The following ZNF462 variants were observed in gnomAD, a reference collection of about 807,000 sequenced individuals.
ZNF462 encodes zinc finger PBX1-interacting protein.
ZNF462 carries 10 observed loss-of-function variants against 201.9 expected under a neutral mutation model. The ratio of observed to expected loss-of-function variants is 0.05; its 90% CI spans 0.03 to 0.08. The LOEUF is 0.08. ZNF462 is among the 10% of genes least tolerant of loss of function. The probability of loss-of-function intolerance (pLI) is 1.00; values close to 1 mark genes in which losing one functional copy is unlikely to be tolerated. For synonymous variants in ZNF462, 1,227 were observed against 1,193.3 expected (o/e 1.03, Z -0.58); for missense variants, 2,523 against 3,168.3 (o/e 0.80, Z 4.89).
In ZNF462 at chr9:106,968,345, T is replaced by C. The variant is rs1832175616; in HGVS notation, c.6428-3660T>C. Among the ~76,000 whole-genome samples the C allele has an allele frequency of 6.6e-6, 1 of 152,248 alleles. No homozygotes were observed. Among genetic ancestry groups the C allele is most frequent in the Non-Finnish European group, 1.5e-5 (1 of 68,038 alleles). The stretch of plus-strand genomic sequence containing the variant: ...ATCCTATAGGCACTGTGACCATCAT[T>C]GCTAAAATTCTAATTTGATCCTGAT... On this transcript the variant is annotated intron_variant, in intron 7 of 12. Coordinates refer to ENST00000277225, the MANE Select transcript of ZNF462 (RefSeq NM_021224.6). The surrounding 1 kb of genome is among the most constrained non-coding windows in gnomAD (Gnocchi z 4.0).
At chr9:106,939,830 A>G (rs1252002048) in intron 7 of ZNF462, among the ~76,000 whole-genome samples, 1 of 152,200 alleles carries the variant, frequency 6.6e-6, no homozygotes, top group East Asian at 1.9e-4. Context: ...CAGGAAGCAG[A>G]CCTGCTTGAT....
chr9:106,935,667 G>A lies in ZNF462; in HGVS notation c.6235+46G>A. On this transcript the variant is annotated intron_variant, in intron 6 of 12. Transcript: ENST00000277225. The surrounding 1 kb of genome is among the most constrained non-coding windows in gnomAD (Gnocchi z 4.1). ...GCACAAGTTCTTTAGCACTCTCTGA[G>A]TTTGAAACCTGATGATCTTTATTGA... 2 of 1,466,682 alleles carry A rather than the reference G, an allele frequency of 1.4e-6. No individual in the cohort carries two copies. Among genetic ancestry groups the A allele is most frequent in the Non-Finnish European group, 1.9e-6 (2 of 1,047,372 alleles). The allele number at this position is 1,466,682 out of a possible 1,614,324, so 90.9% of individuals were successfully genotyped here.
At position 106,890,150 on chromosome 9, in the gene ZNF462, T is replaced by C. The variant is rs550481248; in HGVS notation, c.-31+26795T>C. The stretch of plus-strand genomic sequence containing the variant: ...ATTGTATATATTCTGCCTAAAAGTT[T>C]GTAAAATCTAGTGGTGGCATTTAGC... On this transcript the variant is annotated intron_variant, in intron 1 of 12. Transcript: ENST00000277225. The surrounding 1 kb of genome is among the most constrained non-coding windows in gnomAD (Gnocchi z 4.2). Among the ~76,000 whole-genome samples the C allele has an allele frequency of 7.2e-5, 11 of 152,248 alleles. No individual in the cohort carries two copies. Among genetic ancestry groups the C allele is most frequent in the Non-Finnish European group, 1.5e-4 (10 of 68,050 alleles).
At position 106,984,343 on chromosome 9, in the gene ZNF462, C is replaced by T. The variant is rs765097705; in HGVS notation, c.6990C>T (p.Cys2330=). The T allele has an allele frequency of 1.6e-5, 26 of 1,614,058 alleles. No individual in the cohort carries two copies. The South Asian group carries it at 2.7e-4, about 17-fold the overall frequency. Residue 2330 remains cysteine (C), a synonymous_variant, in exon 10 of 13, where the codon TGC becomes TGT. Transcript: ENST00000277225. This position sits in a 1 kb window ranked among gnomAD's most constrained non-coding sequence, Gnocchi z 6.4. ...ACAATGAACTGAAACCTTACAAATG[C>T]CAGCTCTGCTACTATGAGACCAAGC... ...EKHNELKPYK[C]QLCYYETKHT...
intron 1 of ZNF462, among the ~76,000 whole-genome samples, chr9:106,864,917 A>G (rs1465091447): frequency 3.3e-5 from 5 of 152,144 alleles, no homozygotes; most frequent in Admixed American, 2.6e-4. Flanking sequence ...TAACTCCACC[A>G]GAAAATGGAG....
intron 1 of ZNF462, among the ~76,000 whole-genome samples, chr9:106,881,596 CT>C (rs1313838794): frequency 5.3e-5 from 8 of 152,312 alleles, no homozygotes; most frequent in African/African-American, 1.7e-4. Flanking sequence ...GTATTAAACA[CT>C]TTCTATAGGT....
At position 106,898,265 on chromosome 9, in the gene ZNF462, G is replaced by C. The variant is rs371316595; in HGVS notation, c.-30-25089G>C. 3.9e-5 allele frequency among the ~76,000 whole-genome samples: 6 copies of C among 152,156 alleles called. No individual in the cohort carries two copies. In the South Asian group the frequency reaches 6.2e-4, roughly 16 times the overall value. On this transcript the variant is annotated intron_variant, in intron 1 of 12. Coordinates refer to ENST00000277225, the MANE Select transcript of ZNF462 (RefSeq NM_021224.6). ...TTTCAAGAAACTCACAATGCGCTGTGGGGAAAGAGACAACTAAGTGGATGG... is the reference window on the plus strand; with the variant it reads ...TTTCAAGAAACTCACAATGCGCTGTCGGGAAAGAGACAACTAAGTGGATGG...
rs958260568 is a variant in ZNF462, at chr9:106,981,007, C to T, written c.6833-3179C>T. Among the ~76,000 whole-genome samples, 1 of 152,210 alleles carries T rather than the reference C, an allele frequency of 6.6e-6. No individual in the cohort carries two copies. Among genetic ancestry groups the T allele is most frequent in the Admixed American group, 6.5e-5 (1 of 15,286 alleles). Reference sequence around the variant, plus strand: ...AATGAATGACCTCATTCAGAAAACACTGTCAGTCATTTGCCCACCTTTTAA... The same window carrying T: ...AATGAATGACCTCATTCAGAAAACATTGTCAGTCATTTGCCCACCTTTTAA... On this transcript the variant is annotated intron_variant, in intron 9 of 12. Transcript: ENST00000277225. The surrounding 1 kb of genome is among the most constrained non-coding windows in gnomAD (Gnocchi z 4.0).
chr9:106,899,502 GAGGA>G (rs1828966093), intron 1 of ZNF462, among the ~76,000 whole-genome samples: 1 of 152,164 alleles, frequency 6.6e-6, no homozygotes, highest in African/African-American at 2.4e-5. Flanking sequence ...CTGTGCAGAT[GAGGA>G]AGGGAAACCC....
At chr9:106,986,734 C>A (rs1196381279) in intron 10 of ZNF462, among the ~76,000 whole-genome samples, 8 of 152,144 alleles carry the variant, frequency 5.3e-5, no homozygotes, top group Admixed American at 5.2e-4. Context: ...GTATACACTG[C>A]ACCCTATTTG....
chr9:106,990,185 C>T (rs1481093733), intron 10 of ZNF462, among the ~76,000 whole-genome samples: 1 of 152,040 alleles, frequency 6.6e-6, no homozygotes, highest in East Asian at 1.9e-4. Flanking sequence ...ACCCAATGCT[C>T]ATTCAGGAGC....
chr9:106,925,706 C>T lies in ZNF462; in HGVS notation c.1794C>T (p.His598=), dbSNP rs767964448. The T allele has an allele frequency of 8.7e-6, 14 of 1,614,146 alleles. No individual in the cohort carries two copies. In the South Asian group the frequency reaches 1.5e-4, roughly 18 times the overall value. The change falls in exon 3 of 13, where the codon CAC becomes CAT. Residue 598 remains histidine (H), a synonymous_variant. Coordinates refer to ENST00000277225, the MANE Select transcript of ZNF462 (RefSeq NM_021224.6). The surrounding 1 kb of genome is among the most constrained non-coding windows in gnomAD (Gnocchi z 7.9). The part of the protein sequence containing the change: ...PQPPTQAAPL[H]PYKCTMCNYS... ...CACCCACACAAGCCGCACCTCTGCA[C>T]CCATACAAATGCACCATGTGTAATT...
rs954900144 is a variant in ZNF462 at position 106,981,675 on chromosome 9, A to G, written c.6833-2511A>G. Among the ~76,000 whole-genome samples, 2 of 152,176 alleles carry G rather than the reference A, an allele frequency of 1.3e-5. No individual in the cohort carries two copies. Among genetic ancestry groups the G allele is most frequent in the Non-Finnish European group, 2.9e-5 (2 of 68,026 alleles). On this transcript the variant is annotated intron_variant, in intron 9 of 12. Coordinates refer to ENST00000277225, the MANE Select transcript of ZNF462 (RefSeq NM_021224.6). The surrounding 1 kb of genome is among the most constrained non-coding windows in gnomAD (Gnocchi z 4.0). ...CTATTCATGACTTTGTGTAAAATTC[A>G]CTTAGACACACATAGTGAAATTGGA... is the stretch of plus-strand genomic sequence containing the variant.
upstream of ZNF462, among the ~76,000 whole-genome samples, chr9:106,861,475 G>A (rs1827065252): frequency 6.6e-6 from 1 of 152,162 alleles, no homozygotes; most frequent in Non-Finnish European, 1.5e-5. Flanking sequence ...CAATGCAAAG[G>A]AATCCAGCAA....
At position 106,931,339 on chromosome 9, in the gene ZNF462, A is replaced by G. The variant is rs563679936; in HGVS notation, c.6012+650A>G. On this transcript the variant is annotated intron_variant, in intron 4 of 12. Coordinates refer to ENST00000277225, the MANE Select transcript of ZNF462 (RefSeq NM_021224.6). ...TCCTAATAGCAGCCACCATGTCAGTAACCAAGCCACCATCCCCGTCTTCCA... is the reference window on the plus strand; with the variant it reads ...TCCTAATAGCAGCCACCATGTCAGTGACCAAGCCACCATCCCCGTCTTCCA... Among the ~76,000 whole-genome samples the G allele has an allele frequency of 2.6e-5, 4 of 152,290 alleles. No individual in the cohort carries two copies. The South Asian group carries it at 8.3e-4, about 32-fold the overall frequency.
intron 7 of ZNF462, among the ~76,000 whole-genome samples, chr9:106,949,730 T>C (rs906827800): frequency 9.2e-5 from 14 of 152,298 alleles, no homozygotes; most frequent in African/African-American, 3.1e-4. Flanking sequence ...TTCTTTTGTC[T>C]TCCTCTATGA....
At position 106,950,878 on chromosome 9, in the gene ZNF462, T is replaced by C. The variant is rs1831313184; in HGVS notation, c.6427+11771T>C. On this transcript the variant is annotated intron_variant, in intron 7 of 12. Coordinates refer to ENST00000277225, the MANE Select transcript of ZNF462 (RefSeq NM_021224.6). The surrounding 1 kb of genome is among the most constrained non-coding windows in gnomAD (Gnocchi z 4.1). ...GCCAAGGCAGGCGGATTGCCTGAAG[T>C]CAGGAGTTCAAGACCAGCCTGGCCA... Among the ~76,000 whole-genome samples, 1 of 152,114 alleles carries C rather than the reference T, an allele frequency of 6.6e-6. No homozygotes were observed. Among genetic ancestry groups the C allele is most frequent in the Non-Finnish European group, 1.5e-5 (1 of 68,030 alleles).
At position 107,010,993 on chromosome 9, in the gene ZNF462, A is replaced by G. The variant is rs754081035; in HGVS notation, c.7484A>G (p.Lys2495Arg). Residue 2495 changes from lysine to arginine, a missense_variant, in exon 13 of 13, where the codon AAA (lysine) becomes AGA (arginine). By Grantham distance (26) the Lys-to-Arg change is conservative. Coordinates refer to ENST00000277225, the MANE Select transcript of ZNF462 (RefSeq NM_021224.6). The surrounding 1 kb of genome is among the most constrained non-coding windows in gnomAD (Gnocchi z 4.6). ...GCCATCTGTGTAGTAACTGCCGACAAATCTCTCCTGGAGAATGCAGAGGCC... is the reference window on the plus strand; with the variant it reads ...GCCATCTGTGTAGTAACTGCCGACAGATCTCTCCTGGAGAATGCAGAGGCC... Reference protein sequence around the residue: ...TVAICVVTADKSLLENAEAKK... With the variant: ...TVAICVVTADRSLLENAEAKK... 37 of 1,613,620 alleles carry G rather than the reference A, an allele frequency of 2.3e-5. No individual in the cohort carries two copies. The highest frequency in any genetic ancestry group is 3.3e-4 in the Middle Eastern group (2 of 6,076).
chr9:107,010,228 A>G lies in ZNF462; in HGVS notation c.7313+560A>G, dbSNP rs76166003. Among the ~76,000 whole-genome samples the G allele has an allele frequency of 1.4e-4, 22 of 152,280 alleles. No individual in the cohort carries two copies. In the East Asian group the frequency reaches 3.9e-3, roughly 27 times the overall value. ...GAACCTAGGATGTGGTCTTTTCAGG[A>G]GGAAACATGGCTTGTGTGGTGATAG... On this transcript the variant is annotated intron_variant, in intron 12 of 12. Transcript: ENST00000277225. This position sits in a 1 kb window ranked among gnomAD's most constrained non-coding sequence, Gnocchi z 4.6.
Sources: allele counts gnomAD v4.1 joint callset (sites outside exome capture counted in the v4.1 genomes callset), GRCh38; gene constraint gnomAD v4.1.1; non-coding constraint Gnocchi (gnomAD v3.1); transcripts MANE v1.5; gene names NCBI Gene and HGNC (gene_info 2026-07-23, HGNC 2026-07-21).